Variants in AKAP6 observed in about 807,000 individuals in gnomAD.
AKAP6 encodes A-kinase anchor protein 6.
A neutral mutation model predicts 188.5 loss-of-function variants in AKAP6; 58 were observed. That is an observed-to-expected ratio of 0.31 (90% CI 0.25 to 0.38). The LOEUF is 0.38. Ranked by LOEUF, AKAP6 falls within the 10% of genes least tolerant of loss-of-function variation. The pLI is 1.00. For synonymous variants in AKAP6, 989 were observed against 998.6 expected (o/e 0.99, Z 0.18); for missense variants, 2,710 against 2,740.0 (o/e 0.99, Z 0.24).
At chr14:32,366,176 G>C (rs544813513) in intron 1 of AKAP6, among the ~76,000 whole-genome samples, 3 of 152,016 alleles carry the variant, frequency 2.0e-5, no homozygotes, top group African/African-American at 7.2e-5. Context: ...TCCATGAAGA[G>C]AGCCACCTGT....
At chr14:32,486,125 C>G (rs1365241293) in intron 2 of AKAP6, among the ~76,000 whole-genome samples, 1 of 151,894 alleles carries the variant, frequency 6.6e-6, no homozygotes, top group Non-Finnish European at 1.5e-5. Context: ...GTCAGATGGT[C>G]GTAGATGTGG....
At position 32,521,388 on chromosome 14, in the gene AKAP6, A is replaced by C. The variant is rs541383129; in HGVS notation, c.325-14166A>C. Among the ~76,000 whole-genome samples the C allele has an allele frequency of 1.1e-4, 16 of 152,314 alleles. No homozygotes were observed. In the South Asian group the frequency reaches 3.3e-3, roughly 32 times the overall value. On this transcript the variant is annotated intron_variant, in intron 2 of 13. Transcript: ENST00000280979. ...AGGGTATTCAATTAGGAAAAGAGGA[A>C]GTCAAATTGTCCCTGTTTGCAGATG...
intron 5 of AKAP6, among the ~76,000 whole-genome samples, chr14:32,595,598 T>A (rs1382690647): frequency 6.6e-6 from 1 of 152,138 alleles, no homozygotes; most frequent in Non-Finnish European, 1.5e-5. Flanking sequence ...AACCTTGAAC[T>A]CCTGGGCTCA....
At chr14:32,447,027 A>G (rs1434644585) in intron 2 of AKAP6, among the ~76,000 whole-genome samples, 2 of 152,146 alleles carry the variant, frequency 1.3e-5, no homozygotes, top group Non-Finnish European at 2.9e-5. Context: ...TCCTCATGTT[A>G]TGACCCCAGC....
intron 4 of AKAP6, among the ~76,000 whole-genome samples, chr14:32,561,513 TG>T (rs1001445412): frequency 6.6e-6 from 1 of 152,232 alleles, no homozygotes; most frequent in African/African-American, 2.4e-5. Flanking sequence ...CAATATTCCT[TG>T]GCGTATATCA....
At chr14:32,408,913 G>A (rs182163076) in intron 1 of AKAP6, among the ~76,000 whole-genome samples, 153 of 152,238 alleles carry the variant, frequency 1.0e-3, no homozygotes, top group Middle Eastern at 6.8e-3. Flanking sequence ...TATATAGGCA[G>A]GGTGTGGTGG....
At position 32,747,244 on chromosome 14, in the gene AKAP6, C is replaced by T. The variant is rs569466582; in HGVS notation, c.3372+11362C>T. Among the ~76,000 whole-genome samples the T allele has an allele frequency of 6.6e-5, 10 of 152,276 alleles. No homozygotes were observed. The East Asian group carries it at 1.9e-3, about 29-fold the overall frequency. ...GGAGATGAGTTTGAAAGACAGGATA[C>T]AATGTTTTAGCAGTTTTGATGTATA... On this transcript the variant is annotated intron_variant, in intron 11 of 13. Transcript: ENST00000280979.
chr14:32,730,671 A>G (rs376723307), intron 9 of AKAP6, among the ~76,000 whole-genome samples: 18 of 152,276 alleles, frequency 1.2e-4, no homozygotes, highest in African/African-American at 4.3e-4. Flanking sequence ...TGGCATAAGT[A>G]AAATATTTGA....
At chr14:32,735,157 A>G (rs2239646) in intron 10 of AKAP6, among the ~76,000 whole-genome samples, 11,837 of 152,188 alleles carry the variant, frequency 0.078, 932 homozygotes, top group East Asian at 0.37. Flanking sequence ...ATGGTTTCGG[A>G]AATATGTCAC....
chr14:32,349,751 G>GCTATA (rs1258645638), intron 1 of AKAP6, among the ~76,000 whole-genome samples: 7 of 152,278 alleles, frequency 4.6e-5, no homozygotes, highest in African/African-American at 1.7e-4. Flanking sequence ...AGACCTTGGT[G>GCTATA]CTATACACCA....
At chr14:32,520,942 T>A (rs1398995975) in intron 2 of AKAP6, among the ~76,000 whole-genome samples, 1 of 152,124 alleles carries the variant, frequency 6.6e-6, no homozygotes, top group Non-Finnish European at 1.5e-5. Flanking sequence ...AAATCCTCAA[T>A]AAAATACTGG....
chr14:32,791,379 C>CT (rs915824907), intron 12 of AKAP6, among the ~76,000 whole-genome samples: 11 of 152,156 alleles, frequency 7.2e-5, no homozygotes, highest in African/African-American at 2.4e-4. Context: ...TCATGATGAG[C>CT]TTTTTTTCAT....
At chr14:32,678,201 A>T in intron 7 of AKAP6, 110 bp from the exon 8 acceptor site, 1 of 1,124,018 alleles carries the variant, frequency 8.9e-7, no homozygotes, top group Non-Finnish European at 1.2e-6. Context: ...CAACTCGAAA[A>T]GGAGCACTAT....
chr14:32,822,617 TC>T lies in AKAP6; in HGVS notation c.4806del (p.Tyr1603IlefsTer16), dbSNP rs2034558934. On this transcript the variant is annotated frameshift_variant, in exon 13 of 14. Coordinates refer to ENST00000280979, the MANE Select transcript of AKAP6 (RefSeq NM_004274.5). LOFTEE classifies it high-confidence loss of function. The part of the protein sequence containing the change: ...RSTSLESWLT[S>X]YKSNEDLFSC... Reference sequence around the variant, plus strand: ...CACTTCTTTAGAAAGTTGGTTGACTTCCTATAAAAGCAATGAAGATCTCTTT... The same window carrying T: ...CACTTCTTTAGAAAGTTGGTTGACTTCTATAAAAGCAATGAAGATCTCTTT... 4 of 1,613,888 alleles carry T rather than the reference TC, an allele frequency of 2.5e-6. No individual in the cohort carries two copies. In the Admixed American group the frequency reaches 6.7e-5, roughly 27 times the overall value.
intron 1 of AKAP6, among the ~76,000 whole-genome samples, chr14:32,348,312 T>C (rs7147285): frequency 0.29 from 44,710 of 151,850 alleles, 6,959 homozygotes; most frequent in East Asian, 0.4. Flanking sequence ...ATACTGGGCG[T>C]AAAAAGCAGG....
intron 7 of AKAP6, among the ~76,000 whole-genome samples, chr14:32,673,157 C>G (rs1319540994): frequency 6.6e-6 from 1 of 152,198 alleles, no homozygotes; most frequent in Non-Finnish European, 1.5e-5. Context: ...CTTCACCTGA[C>G]AAGGTCAGAC....
intron 2 of AKAP6, among the ~76,000 whole-genome samples, chr14:32,443,940 G>T (rs1021865820): frequency 2.6e-5 from 4 of 152,106 alleles, no homozygotes; most frequent in Non-Finnish European, 1.5e-5. Context: ...TCTTTGTATA[G>T]GCAAAGGTGT....
At chr14:32,745,515 CTCTG>C (rs2031868557) in intron 11 of AKAP6, among the ~76,000 whole-genome samples, 1 of 150,022 alleles carries the variant, frequency 6.7e-6, no homozygotes, top group African/African-American at 2.5e-5. Flanking sequence ...CTCTCTCTCT[CTCTG>C]TCTGTCTCTC....
chr14:32,750,971 G>A (rs976789353), intron 11 of AKAP6, among the ~76,000 whole-genome samples: 13 of 151,510 alleles, frequency 8.6e-5, no homozygotes, highest in African/African-American at 2.2e-4. Flanking sequence ...TCCTGACCTC[G>A]TGATCCACCC....
Sources: gnomAD v4.1 joint callset for allele counts (sites outside exome capture counted in the v4.1 genomes callset) on GRCh38, gnomAD v4.1.1 for gene constraint, MANE v1.5 for transcripts, NCBI Gene and HGNC (gene_info 2026-07-23, HGNC 2026-07-21) for gene names.